Variants in FCSK observed in about 807,000 individuals in gnomAD.
The protein encoded by FCSK is fucose kinase.
FCSK carries 123 observed loss-of-function variants against 122.5 expected under a neutral mutation model. The observed-to-expected ratio is 1.00, with a 90% CI of 0.87 to 1.17. FCSK has a LOEUF of 1.17. FCSK is among the 50% of genes most tolerant of loss of function. The pLI, the probability that FCSK is intolerant of heterozygous loss-of-function variation, is 0.00. For missense variants in FCSK, 1,366 were observed against 1,450.4 expected (o/e 0.94, Z 0.95); for synonymous variants, 620 against 625.5 (o/e 0.99, Z 0.13).
Position 70,473,125 on chromosome 16 carries a change from G to A in FCSK, c.1549G>A (p.Glu517Lys), listed in dbSNP as rs777266722. 2.2e-5 allele frequency: 34 copies of A among 1,573,184 alleles called. No homozygotes were observed. The East Asian group carries it at 3.5e-4, about 16-fold the overall frequency. ...WMLDHQEDGG[E>K]ALRAWRASWR... ...GCTGGACCACCAGGAGGATGGGGGC[G>A]AGGCCCTGCGAGCCTGGCGGGCCTC... Residue 517 changes from glutamate (E) to lysine (K), a missense_variant, in exon 15 of 24, where the codon GAG becomes AAG. Transcript: ENST00000288078. This position sits in a 1 kb window ranked among gnomAD's most constrained non-coding sequence, Gnocchi z 4.9.
At chr16:70,467,810 C>A in intron 7 of FCSK, 76 bp from the exon 8 acceptor site, 3 of 1,263,512 alleles carry the variant, frequency 2.4e-6, no homozygotes, top group Non-Finnish European at 3.5e-6. Flanking sequence ...AATGCCCTTG[C>A]TGCCACCTGT....
intron 1 of FCSK, among the ~76,000 whole-genome samples, chr16:70,462,006 G>A (rs775417929): frequency 4.6e-5 from 7 of 152,136 alleles, no homozygotes; most frequent in Admixed American, 3.3e-4. Flanking sequence ...AAACAGATGC[G>A]GCCCATCCAT....
rs989773594 is a variant in FCSK, at chr16:70,470,849, G to A, written c.1069-122G>A. 1.6e-5 allele frequency: 13 copies of A among 804,902 alleles called. No homozygotes were observed. The Admixed American group carries it at 2.4e-4, about 15-fold the overall frequency. The allele number at this position is 804,902 out of a possible 1,614,324, so 49.9% of individuals were successfully genotyped here. ...AGGCAGGTCCAGAGAGGAGTCTAGG[G>A]TGCTGCAGGGCAGGGGAGCAGTAGG... On this transcript the variant is annotated intron_variant, in intron 11 of 23. Transcript: ENST00000288078.
chr16:70,474,483 C>T (rs768659827), intron 16 of FCSK, 45 bp from the exon 17 acceptor site: 23 of 1,546,176 alleles, frequency 1.5e-5, no homozygotes, highest in Non-Finnish European at 2.0e-5. Context: ...AATCTGCCCC[C>T]AGCTTGGGGC....
chr16:70,472,077 G>A (rs142624033), intron 13 of FCSK, among the ~76,000 whole-genome samples: 1 of 152,132 alleles, frequency 6.6e-6, no homozygotes, highest in African/African-American at 2.4e-5. Flanking sequence ...CCAAAGTGCT[G>A]GGATTATAGG....
chr16:70,478,688 G>A, intron 22 of FCSK, 38 bp downstream of exon 22: 1 of 1,556,510 alleles, frequency 6.4e-7, no homozygotes, highest in Non-Finnish European at 8.8e-7. Flanking sequence ...GGCACTGGGA[G>A]CGAGTATTCT....
At chr16:70,458,364 T>C (rs7199312) in intron 1 of FCSK, among the ~76,000 whole-genome samples, 18,054 of 151,390 alleles carry the variant, frequency 0.12, 3,554 homozygotes, top group African/African-American at 0.41. Context: ...TTCACCATGC[T>C]GGCCAGGCTG....
intron 3 of FCSK, 87 bp from the exon 4 acceptor site, chr16:70,465,039 G>T: frequency 6.3e-7 from 1 of 1,579,082 alleles, no homozygotes. Context: ...GTGGATTTGT[G>T]TTGGAGTCTC....
rs774371800 is a variant in FCSK, at chr16:70,470,362, A to G, written c.1004A>G (p.Glu335Gly). The G allele has an allele frequency of 6.2e-7, 1 of 1,613,802 alleles. No individual in the cohort carries two copies. Among genetic ancestry groups the G allele is most frequent in the Non-Finnish European group, 8.5e-7 (1 of 1,179,956 alleles). ...SYSYMTSSAS[E>G]FLLSLTLPGA... is the part of the protein sequence containing the mutation. The stretch of plus-strand genomic sequence containing the variant: ...AGCTACATGACCTCCTCAGCCAGTG[A>G]GTTCCTGCTCAGCCTCACACTCCCC... Residue 335 changes from glutamate (E) to glycine (G), a missense_variant, in exon 11 of 24, where the codon GAG becomes GGG. Coordinates refer to ENST00000288078, the MANE Select transcript of FCSK (RefSeq NM_145059.3).
chr16:70,472,308 T>C (rs1296119079), intron 13 of FCSK, among the ~76,000 whole-genome samples: 2 of 152,162 alleles, frequency 1.3e-5, no homozygotes, highest in Non-Finnish European at 2.9e-5. Context: ...CTGGGTGTAG[T>C]GGCTCATGCC....
At chr16:70,456,091 G>C (rs1221992872) in intron 1 of FCSK, among the ~76,000 whole-genome samples, 2 of 152,140 alleles carry the variant, frequency 1.3e-5, no homozygotes, top group Non-Finnish European at 2.9e-5. Context: ...AGGATCGCTG[G>C]AGCCCGGGAG....
chr16:70,463,241 G>A lies in FCSK; in HGVS notation c.51G>A (p.Gln17=), dbSNP rs2048322367. The A allele has an allele frequency of 8.1e-6, 13 of 1,614,048 alleles. No individual in the cohort carries two copies. In the East Asian group the frequency reaches 2.5e-4, roughly 30 times the overall value. Residue 17 remains glutamine (Q), a synonymous_variant, in exon 2 of 24, where the codon CAG becomes CAA. Transcript: ENST00000288078. ...VDWTVIILTC[Q]YKDSVQVFQR... ...GGACAGTCATCATCCTGACCTGCCA[G>A]TACAAGGACAGTGTCCAGGTCTTTC...
Position 70,454,710 on chromosome 16 carries a change from C to G in FCSK, c.-23+80C>G, listed in dbSNP as rs1305938345. On this transcript the variant is annotated intron_variant, in intron 1 of 23. Transcript: ENST00000288078. ...GCGCCCCCTCAGCTTTCCGGTGCAC[C>G]CTCCCTGACTGGGAGCACCGAGTCG... 5.3e-5 allele frequency: 8 copies of G among 151,916 alleles called. No individual in the cohort carries two copies. In the Admixed American group the frequency reaches 5.3e-4, roughly 10 times the overall value. 9.4% of individuals were successfully genotyped at this position (151,916 alleles called of 1,614,324 possible). A position where few individuals can be genotyped will look rare whatever the true frequency, so the allele number is the denominator to read the frequency against.
rs752964219 is a variant in FCSK, at chr16:70,472,616, C to CA, written c.1406+12dup. 1 of 1,608,472 alleles carries CA rather than the reference C, an allele frequency of 6.2e-7. No individual in the cohort carries two copies. ...GAGGACAGGTGTTCGGTAAGGTGGA[C>CA]ACCCCTAGGGCCTCTGTGGGCCTGG... On this transcript the variant is annotated intron_variant, in intron 14 of 23. Transcript: ENST00000288078.
In FCSK at chr16:70,455,806, C is replaced by G. The variant is rs1047427401; in HGVS notation, c.-23+1176C>G. 9.9e-5 allele frequency among the ~76,000 whole-genome samples: 15 copies of G among 151,852 alleles called. No homozygotes were observed. In the Middle Eastern group the frequency reaches 0.01, roughly 103 times the overall value. On this transcript the variant is annotated intron_variant, in intron 1 of 23. Transcript: ENST00000288078. ...ACTTGGGAGGCTGAGGCAGGAGAAT[C>G]ACTTTAACCTGGGAGGCGGAGATTG...
In FCSK at chr16:70,466,220, G is replaced by A. The variant is rs374611522; in HGVS notation, c.374G>A (p.Cys125Tyr). The change falls in exon 5 of 24, where the codon TGC (cysteine) becomes TAC (tyrosine). Residue 125 changes from cysteine (C) to tyrosine (Y), a missense_variant. Cys to Tyr is a radical substitution (Grantham distance 194). Coordinates refer to ENST00000288078, the MANE Select transcript of FCSK (RefSeq NM_145059.3). Reference sequence around the variant, plus strand: ...GAGGCCCCCGTGGAAGCCTTGGTCTGCAACCTGGACTGCCTGCTGGACATC... The same window carrying A: ...GAGGCCCCCGTGGAAGCCTTGGTCTACAACCTGGACTGCCTGCTGGACATC... Reference protein sequence around the residue: ...NPEAPVEALVCNLDCLLDIMT... With the variant: ...NPEAPVEALVYNLDCLLDIMT... The A allele has an allele frequency of 5.6e-5, 91 of 1,613,806 alleles. No homozygotes were observed. The highest frequency in any genetic ancestry group is 7.3e-5 in the Non-Finnish European group (86 of 1,179,898).
chr16:70,458,892 G>T (rs2048175405), intron 1 of FCSK, among the ~76,000 whole-genome samples: 1 of 151,876 alleles, frequency 6.6e-6, no homozygotes, highest in South Asian at 2.1e-4. Context: ...TTATTGTAGT[G>T]GTTAAGCAAG....
chr16:70,464,699 CAAA>C (rs774838734), intron 3 of FCSK, among the ~76,000 whole-genome samples: 5 of 52,848 alleles, frequency 9.5e-5, no homozygotes, highest in African/African-American at 1.7e-4. Flanking sequence ...GACTGCATCT[CAAA>C]AAAAAAAAAA....
At position 70,454,643 on chromosome 16, in the gene FCSK, G is replaced by C. The variant is rs968580483; in HGVS notation, c.-23+13G>C. The C allele has an allele frequency of 6.8e-6, 1 of 147,908 alleles. No homozygotes were observed. Among genetic ancestry groups the C allele is most frequent in the Non-Finnish European group, 1.5e-5 (1 of 67,814 alleles). 9.2% of individuals were successfully genotyped at this position (147,908 alleles called of 1,614,324 possible). ...CGGGCGACGGCAGGTACGTCAGTCCGCGAGGGTCGCCGCAGCGCCCCTTGC... is the reference window on the plus strand; with the variant it reads ...CGGGCGACGGCAGGTACGTCAGTCCCCGAGGGTCGCCGCAGCGCCCCTTGC... On this transcript the variant is annotated intron_variant, in intron 1 of 23. Transcript: ENST00000288078.
Sources: allele counts gnomAD v4.1 joint callset (sites outside exome capture counted in the v4.1 genomes callset), GRCh38; gene constraint gnomAD v4.1.1; non-coding constraint Gnocchi (gnomAD v3.1); transcripts MANE v1.5; gene names NCBI Gene and HGNC (gene_info 2026-07-23, HGNC 2026-07-21).